NBAS: variants seen among roughly 807,000 people sequenced by gnomAD.
NBAS encodes the protein NAG/BC035112 fusion.
NBAS carries 219 observed loss-of-function variants against 302.5 expected under a neutral mutation model. The observed-to-expected ratio is 0.72, with a 90% confidence interval of 0.65 to 0.81. NBAS has a LOEUF of 0.81. Among genes scored for constraint, NBAS ranks in the 30% least tolerant of loss-of-function variants. The pLI is 0.00. For missense variants in NBAS, 2,932 were observed against 2,841.6 expected (o/e 1.03, Z -0.72); for synonymous variants, 1,118 against 1,021.6 (o/e 1.09, Z -1.80).
intron 27 of NBAS, among the ~76,000 whole-genome samples, chr2:15,395,785 TA>T (rs1306853139): frequency 6.6e-6 from 1 of 152,082 alleles, no homozygotes; most frequent in Non-Finnish European, 1.5e-5. Context: ...TACTTAAAGT[TA>T]AATGTGCATA....
chr2:15,436,703 C>A (rs1419519607), intron 21 of NBAS, among the ~76,000 whole-genome samples: 1 of 152,164 alleles, frequency 6.6e-6, no homozygotes, highest in African/African-American at 2.4e-5. Context: ...TGTTCCCAGA[C>A]CAAGCTTATC....
At chr2:15,473,161 A>G in intron 16 of NBAS, 61 bp downstream of exon 16, 1 of 1,579,050 alleles carries the variant, frequency 6.3e-7, no homozygotes. Flanking sequence ...ATGAAGCCCT[A>G]TAAACAAAAG....
At chr2:15,325,793 C>G (rs1031987749) in intron 38 of NBAS, among the ~76,000 whole-genome samples, 1 of 152,200 alleles carries the variant, frequency 6.6e-6, no homozygotes, top group Non-Finnish European at 1.5e-5. Flanking sequence ...ACTTGGCTAA[C>G]TATTTGGGGC....
chr2:15,238,430 G>C, intron 45 of NBAS, 38 bp downstream of exon 45: 3 of 1,575,696 alleles, frequency 1.9e-6, no homozygotes, highest in Non-Finnish European at 2.6e-6. Context: ...AGAATATACT[G>C]ATACAGAGTG....
the NBAS span, among the ~76,000 whole-genome samples, chr2:14,779,166 A>T: frequency 1.3e-5 from 2 of 152,208 alleles, no homozygotes; most frequent in Non-Finnish European, 2.9e-5. Flanking sequence ...GAAACAGAAA[A>T]GAGTGGGTAG....
At chr2:14,878,901 T>C in the NBAS span, among the ~76,000 whole-genome samples, 2 of 151,996 alleles carry the variant, frequency 1.3e-5, no homozygotes, top group Non-Finnish European at 2.9e-5. Context: ...GTGTCGACCA[T>C]TATAGCATCA....
the NBAS span, among the ~76,000 whole-genome samples, chr2:14,843,835 T>G: frequency 6.6e-6 from 1 of 152,152 alleles, no homozygotes; most frequent in African/African-American, 2.4e-5. Context: ...AAAACCATAC[T>G]GAACTCAGGT....
chr2:15,142,797 G>A, the NBAS span, among the ~76,000 whole-genome samples: 1 of 152,316 alleles, frequency 6.6e-6, no homozygotes, highest in South Asian at 2.1e-4. Flanking sequence ...ATCCCCTCAA[G>A]AGATATCTTA....
chr2:14,917,134 C>T, the NBAS span, among the ~76,000 whole-genome samples: 22 of 152,304 alleles, frequency 1.4e-4, no homozygotes, highest in African/African-American at 5.3e-4. Context: ...TTAAAACACA[C>T]ACATTTGTTG....
chr2:15,548,265 A>G (rs1187257553), intron 6 of NBAS, among the ~76,000 whole-genome samples: 3 of 152,234 alleles, frequency 2.0e-5, no homozygotes, highest in Non-Finnish European at 4.4e-5. Flanking sequence ...ACGAAAAAAA[A>G]AAGTTATATT....
chr2:14,955,840 G>A, the NBAS span, among the ~76,000 whole-genome samples: 2 of 152,188 alleles, frequency 1.3e-5, no homozygotes, highest in African/African-American at 4.8e-5. Flanking sequence ...CTCCAGGCCT[G>A]TGATAAGAGG....
the NBAS span, among the ~76,000 whole-genome samples, chr2:15,012,506 C>A: frequency 6.6e-6 from 1 of 152,100 alleles, no homozygotes; most frequent in Admixed American, 6.5e-5. Context: ...CAGCTAAAAA[C>A]ATTCTAAGTC....
chr2:15,416,344 T>G (rs1667537968), intron 24 of NBAS, among the ~76,000 whole-genome samples: 1 of 152,202 alleles, frequency 6.6e-6, no homozygotes, highest in African/African-American at 2.4e-5. Flanking sequence ...ATAGTTTTAC[T>G]CATTATCCCT....
chr2:14,958,913 T>G, the NBAS span, among the ~76,000 whole-genome samples: 1 of 152,070 alleles, frequency 6.6e-6, no homozygotes, highest in African/African-American at 2.4e-5. Context: ...CTGAGGATTA[T>G]AAAAGGGATA....
rs145149318 is a variant in NBAS at position 15,362,445 on chromosome 2, T to C, written c.3817+4135A>G. Among the ~76,000 whole-genome samples, 69 of 151,878 alleles carry C rather than the reference T, an allele frequency of 4.5e-4. No individual in the cohort carries two copies. In the Middle Eastern group the frequency reaches 0.017, roughly 38 times the overall value. ...ATCCCCTGAGCCCAGGAGTTCAAGATTACAGTGAGATATGATCATCCCACT... is the reference window on the plus strand; with the variant it reads ...ATCCCCTGAGCCCAGGAGTTCAAGACTACAGTGAGATATGATCATCCCACT... On this transcript the variant is annotated intron_variant, in intron 32 of 51. Coordinates refer to ENST00000281513, the MANE Select transcript of NBAS (RefSeq NM_015909.4).
chr2:14,822,586 A>T, the NBAS span, among the ~76,000 whole-genome samples: 1 of 152,148 alleles, frequency 6.6e-6, no homozygotes. Flanking sequence ...CCACTATCTT[A>T]TTTATAAATG....
intron 31 of NBAS, among the ~76,000 whole-genome samples, chr2:15,371,422 A>G (rs1674480296): frequency 6.6e-6 from 1 of 152,252 alleles, no homozygotes; most frequent in African/African-American, 2.4e-5. Context: ...AAATCACTCA[A>G]TAAATATTAG....
At chr2:15,186,377 G>A (rs1665088259) in intron 50 of NBAS, among the ~76,000 whole-genome samples, 1 of 152,100 alleles carries the variant, frequency 6.6e-6, no homozygotes, top group South Asian at 2.1e-4. Flanking sequence ...GTTATCTGCT[G>A]AGAAGAGTGC....
At chr2:15,187,274 TC>T (rs1227484199) in intron 49 of NBAS, among the ~76,000 whole-genome samples, 3 of 152,172 alleles carry the variant, frequency 2.0e-5, no homozygotes, top group Admixed American at 2.0e-4. Context: ...GACTTTTTTT[TC>T]CTTGAAGAGT....
Sources: allele counts gnomAD v4.1 joint callset (sites outside exome capture counted in the v4.1 genomes callset), GRCh38; gene constraint gnomAD v4.1.1; transcripts MANE v1.5; gene names NCBI Gene and HGNC (gene_info 2026-07-23, HGNC 2026-07-21).